Variants in ZNF208 observed in about 807,000 individuals in gnomAD.
The protein encoded by ZNF208 is zinc finger protein 95.
ZNF208 carries 10 observed loss-of-function variants against 12.1 expected under a neutral mutation model. The ratio of observed to expected loss-of-function variants is 0.83; its 90% confidence interval spans 0.51 to 1.40. ZNF208 has a LOEUF of 1.40. Ranked by LOEUF, ZNF208 falls within the 40% of genes most tolerant of loss-of-function variation. The pLI is 0.00. For synonymous variants in ZNF208, 497 were observed against 488.4 expected, an observed-to-expected ratio of 1.02 and a Z score of -0.23; for missense variants, 1,652 against 1,485.0, an observed-to-expected ratio of 1.11 and a Z score of -1.85.
At chr19:22,001,892 CAAAAAAAA>C (rs58939967) in intron 1 of ZNF208, among the ~76,000 whole-genome samples, 54 of 74,098 alleles carry the variant, frequency 7.3e-4, no homozygotes, top group Non-Finnish European at 9.5e-4. Flanking sequence ...GACTCCATCC[CAAAAAAAA>C]AAAAAAAAAA....
intron 1 of ZNF208, among the ~76,000 whole-genome samples, chr19:21,994,284 AAAGT>A (rs112568218): frequency 6.6e-6 from 1 of 152,224 alleles, no homozygotes; most frequent in African/African-American, 2.4e-5. Context: ...AAAAATTTGA[AAAGT>A]AAGATCCTAT....
At chr19:21,940,150 G>A (rs1969711527) in intron 4 of ZNF208, 1 of 133,078 alleles carries the variant, frequency 7.5e-6, no homozygotes, top group Non-Finnish European at 1.6e-5. Flanking sequence ...AGTTTTATAA[G>A]AGTAAAGAGC....
downstream of ZNF208, among the ~76,000 whole-genome samples, chr19:21,963,758 A>T (rs190153591): frequency 1.2e-4 from 18 of 152,120 alleles, no homozygotes; most frequent in East Asian, 1.9e-3. Flanking sequence ...CTCTAAATTG[A>T]GAGACTAGAT....
chr19:21,976,190 C>T (rs8103214), intron 3 of ZNF208, among the ~76,000 whole-genome samples: 88,811 of 151,960 alleles, frequency 0.58, 26,210 homozygotes, highest in East Asian at 0.69. Flanking sequence ...AATGAATATA[C>T]GACATAAATC....
chr19:21,994,305 T>C (rs1970791225), intron 1 of ZNF208, among the ~76,000 whole-genome samples: 2 of 152,198 alleles, frequency 1.3e-5, no homozygotes, highest in African/African-American at 4.8e-5. Context: ...CTATAATACA[T>C]ACTTTATATT....
Position 21,971,762 on chromosome 19 carries a change from C to G in ZNF208, c.3272G>C (p.Gly1091Ala). Residue 1091 changes from glycine to alanine, a missense_variant, in exon 4 of 4, where the codon GGC (glycine) becomes GCC (alanine). Gly to Ala is a moderately conservative substitution (Grantham distance 60). This residue lies in a region of ZNF208 where 1,239 missense variants were observed against 1,086.2 expected (regional missense o/e 1.14). Transcript: ENST00000397126. Reference sequence around the variant, plus strand: ...GTTTGAGGACCAGTTGAAAGCTTTGCCACATTCTTCACATTTGTAGGGTTC... The same window carrying G: ...GTTTGAGGACCAGTTGAAAGCTTTGGCACATTCTTCACATTTGTAGGGTTC... ...GEEPYKCEEC[G>A]KAFNWSSNLM... The G allele has an allele frequency of 6.2e-7, 1 of 1,613,900 alleles. No individual in the cohort carries two copies. Among genetic ancestry groups the G allele is most frequent in the Non-Finnish European group, 8.5e-7 (1 of 1,179,916 alleles).
Position 21,969,595 on chromosome 19 carries a change from T to C in ZNF208, c.*1596A>G, listed in dbSNP as rs1012799272. Among the ~76,000 whole-genome samples, 1 of 152,152 alleles carries C rather than the reference T, an allele frequency of 6.6e-6. No individual in the cohort carries two copies. Among genetic ancestry groups the C allele is most frequent in the Admixed American group, 6.6e-5 (1 of 15,266 alleles). The stretch of plus-strand genomic sequence containing the variant: ...TTATAATCTGTAGTTTTTGAAAAAA[T>C]GTTTTTCCAAATTTATTAAATTTGC... On this transcript the variant is annotated 3_prime_UTR_variant, in exon 4 of 4. Transcript: ENST00000397126.
intron 4 of ZNF208, among the ~76,000 whole-genome samples, chr19:21,944,239 C>A (rs1170928843): frequency 3.3e-5 from 5 of 152,122 alleles, no homozygotes; most frequent in African/African-American, 1.2e-4. Context: ...AGAAATGAAG[C>A]CAAGTTACCC....
rs1200210251 is a variant in ZNF208, at chr19:21,967,612, C to T, written c.*3579G>A. ...TGTTGGCCAGGCTGGTCTCAAACTT[C>T]TGACCTCAGGTGATCCATCCATCTC... On this transcript the variant is annotated 3_prime_UTR_variant, in exon 4 of 4. Coordinates refer to ENST00000397126, the MANE Select transcript of ZNF208 (RefSeq NM_007153.3). 6.6e-6 allele frequency: 1 copy of T among 152,172 alleles called. No individual in the cohort carries two copies. The highest frequency in any genetic ancestry group is 2.4e-5 in the African/African-American group (1 of 41,442). The allele number at this position is 152,172 out of a possible 1,614,324, so 9.4% of individuals were successfully genotyped here.
chr19:21,943,498 C>T (rs924514860), intron 4 of ZNF208, among the ~76,000 whole-genome samples: 6 of 152,080 alleles, frequency 3.9e-5, no homozygotes, highest in African/African-American at 7.2e-5. Context: ...TTAACATGTC[C>T]ACATCTTAAA....
intron 3 of ZNF208, among the ~76,000 whole-genome samples, chr19:21,976,108 T>C (rs947531779): frequency 6.6e-6 from 1 of 152,130 alleles, no homozygotes; most frequent in African/African-American, 2.4e-5. Flanking sequence ...ATTCTAATGG[T>C]GCAGAAAACA....
rs938620924 is a variant in ZNF208, at chr19:21,970,066, C to A, written c.*1125G>T. ...TCTTACCTACAATCAAGTGTGACAG[C>A]CACTTAAAGGCTTTGTCATATTCTT... On this transcript the variant is annotated 3_prime_UTR_variant, in exon 4 of 4. Coordinates refer to ENST00000397126, the MANE Select transcript of ZNF208 (RefSeq NM_007153.3). Among the ~76,000 whole-genome samples the A allele has an allele frequency of 6.6e-6, 1 of 152,128 alleles. No homozygotes were observed. The highest frequency in any genetic ancestry group is 1.5e-5 in the Non-Finnish European group (1 of 68,026).
At chr19:21,960,105 C>T (rs993256070) in intron 4 of ZNF208, among the ~76,000 whole-genome samples, 2 of 152,044 alleles carry the variant, frequency 1.3e-5, no homozygotes, top group Admixed American at 1.3e-4. Context: ...TTTCTTACAA[C>T]TGTGAGAAAT....
chr19:21,957,022 G>A (rs1466083597), intron 4 of ZNF208, among the ~76,000 whole-genome samples: 2 of 152,070 alleles, frequency 1.3e-5, no homozygotes, highest in South Asian at 2.1e-4. Context: ...GTTTGCATCA[G>A]TGAAACAAAA....
At chr19:21,957,348 T>C (rs1287675500) in intron 4 of ZNF208, among the ~76,000 whole-genome samples, 2 of 152,192 alleles carry the variant, frequency 1.3e-5, no homozygotes, top group Admixed American at 1.3e-4. Flanking sequence ...GAAAAATCCA[T>C]TTTCTTATGC....
At chr19:21,978,778 T>G (rs1970481001) in intron 3 of ZNF208, among the ~76,000 whole-genome samples, 1 of 151,894 alleles carries the variant, frequency 6.6e-6, no homozygotes, top group Admixed American at 6.6e-5. Flanking sequence ...TATAACAAAC[T>G]CCTCCAAACT....
chr19:21,961,138 T>C (rs879553993), downstream of ZNF208, among the ~76,000 whole-genome samples: 1 of 152,188 alleles, frequency 6.6e-6, no homozygotes, highest in Non-Finnish European at 1.5e-5. Flanking sequence ...ACATAGGTTC[T>C]TTCTATTTTC....
intron 3 of ZNF208, among the ~76,000 whole-genome samples, chr19:21,975,233 A>G (rs914490080): frequency 6.6e-6 from 1 of 152,160 alleles, no homozygotes; most frequent in Non-Finnish European, 1.5e-5. Context: ...TGTCTTCTAC[A>G]GCCCTTTCCA....
chr19:21,984,462 G>T (rs1568449730), intron 3 of ZNF208, among the ~76,000 whole-genome samples: 2 of 152,004 alleles, frequency 1.3e-5, no homozygotes, highest in Middle Eastern at 3.4e-3. Flanking sequence ...CTGAGGCAGG[G>T]GAATCGCTTG....
Sources: allele counts gnomAD v4.1 joint callset (sites outside exome capture counted in the v4.1 genomes callset), GRCh38; gene constraint gnomAD v4.1.1; regional missense constraint gnomAD v4.1.1; transcripts MANE v1.5; gene names NCBI Gene and HGNC (gene_info 2026-07-23, HGNC 2026-07-21).